Variants in MCF2 observed in about 807,000 individuals in gnomAD.
MCF2 encodes proto-oncogene DBL.
MCF2 carries 44 observed loss-of-function variants against 82.5 expected under a neutral mutation model. That is an observed-to-expected ratio of 0.53 (90% CI 0.42 to 0.69). The LOEUF is 0.69. Ranked by LOEUF, MCF2 falls within the 30% of genes least tolerant of loss-of-function variation. The pLI is 0.00. For missense variants in MCF2, 623 were observed against 663.1 expected, an observed-to-expected ratio of 0.94 and a Z score of 0.66; for synonymous variants, 217 against 224.9, an observed-to-expected ratio of 0.96 and a Z score of 0.32.
chrX:139,674,170 C>T (rs1196918821), intron 1 of MCF2, among the ~76,000 whole-genome samples: 1 of 110,799 alleles, frequency 9.0e-6, no homozygotes, highest in Non-Finnish European at 1.9e-5. Context: ...TTTCTATTTG[C>T]TTGGTAAATA....
chrX:139,677,102 G>A (rs1238195653), intron 1 of MCF2, among the ~76,000 whole-genome samples: 2 of 111,576 alleles, frequency 1.8e-5, no homozygotes, highest in East Asian at 2.8e-4. Flanking sequence ...AGTTTAACTG[G>A]TATTATGACC....
In MCF2 at chrX:139,632,329, T is replaced by A; in HGVS notation, c.171+6A>T. On this transcript the variant is annotated splice_donor_region_variant and intron_variant, in intron 2 of 24. Coordinates refer to ENST00000370576, the Ensembl canonical transcript of MCF2. ...GGAACAAAACATTTAAATAATATAC[T>A]CTTACTGGTAATTTAAGCATAAAAT... 8.5e-7 allele frequency: 1 copy of A among 1,182,290 alleles called. No individual in the cohort carries two copies. The highest frequency in any genetic ancestry group is 1.1e-6 in the Non-Finnish European group (1 of 873,057).
At chrX:139,622,623 C>G (rs772410392) in intron 6 of MCF2, among the ~76,000 whole-genome samples, 1 of 109,578 alleles carries the variant, frequency 9.1e-6, no homozygotes, top group African/African-American at 3.3e-5. Context: ...AGCAAACTAT[C>G]GCAAGGACAA....
At chrX:139,583,994 T>C (rs1258101718) in intron 24 of MCF2, among the ~76,000 whole-genome samples, 3 of 111,164 alleles carry the variant, frequency 2.7e-5, no homozygotes, top group African/African-American at 9.8e-5. Flanking sequence ...TGAGAAATCA[T>C]TTGGGAAACG....
chrX:139,600,854 C>G (rs768495540), intron 16 of MCF2, among the ~76,000 whole-genome samples: 2 of 110,321 alleles, frequency 1.8e-5, no homozygotes, highest in African/African-American at 3.3e-5. Flanking sequence ...AGGAACCAAA[C>G]AAAGAGAAAT....
intron 23 of MCF2, 42 bp downstream of exon 27, chrX:139,586,335 TG>T (rs753418088): frequency 2.1e-6 from 2 of 962,812 alleles, no homozygotes; most frequent in Admixed American, 2.4e-5. Context: ...GGTAAAAATT[TG>T]CACACCCATG....
intron 11 of MCF2, among the ~76,000 whole-genome samples, chrX:139,608,842 T>C (rs1931263028): frequency 8.9e-6 from 1 of 111,800 alleles, no homozygotes; most frequent in Non-Finnish European, 1.9e-5. Flanking sequence ...TTTTACAACA[T>C]GTAATACTAC....
intron 24 of MCF2, among the ~76,000 whole-genome samples, chrX:139,583,654 C>T (rs1454557414): frequency 1.8e-5 from 2 of 111,467 alleles, no homozygotes; most frequent in African/African-American, 3.3e-5. Context: ...GGGTACTATG[C>T]TCACTACCTG....
chrX:139,629,665 T>G (rs1932857326), intron 4 of MCF2, 30 bp downstream of exon 7: 1 of 1,192,339 alleles, frequency 8.4e-7, no homozygotes, highest in Non-Finnish European at 1.1e-6. Context: ...ACCATGGAAA[T>G]CTTTTGTTTG....
intron 1 of MCF2, among the ~76,000 whole-genome samples, chrX:139,695,491 T>G (rs1299611285): frequency 8.9e-6 from 1 of 112,142 alleles, no homozygotes; most frequent in African/African-American, 3.2e-5. Context: ...TAGTATAATT[T>G]CAACTACATG....
chrX:139,653,342 A>T (rs1484366361), intron 1 of MCF2, among the ~76,000 whole-genome samples: 1 of 112,380 alleles, frequency 8.9e-6, no homozygotes, highest in Non-Finnish European at 1.9e-5. Context: ...CATCAGACAT[A>T]AAAATATTCC....
chrX:139,642,238 G>T (rs142537092), intron 1 of MCF2, among the ~76,000 whole-genome samples: 18 of 112,153 alleles, frequency 1.6e-4, no homozygotes, highest in African/African-American at 5.8e-4. Flanking sequence ...TCATAAACCT[G>T]ATGACATTTA....
Position 139,650,541 on chromosome X carries a change from C to G in MCF2, c.25+1179G>C, listed in dbSNP as rs772105520. On this transcript the variant is annotated intron_variant, in intron 2 of 27. Coordinates refer to the MCF2 transcript ENST00000414978. The stretch of plus-strand genomic sequence containing the variant: ...TAAGAAGCATTCGTCTTTATAAAAA[C>G]AATGTATTAATATATACCAGTAAGT... Among the ~76,000 whole-genome samples the G allele has an allele frequency of 6.3e-5, 7 of 111,385 alleles. No individual in the cohort carries two copies. The South Asian group carries it at 2.6e-3, about 42-fold the overall frequency.
chrX:139,595,583 G>C (rs1243072735), intron 19 of MCF2, among the ~76,000 whole-genome samples: 1 of 76,005 alleles, frequency 1.3e-5, no homozygotes, highest in Non-Finnish European at 2.5e-5. Context: ...GTTGTGGGGT[G>C]GGGGGAGGGG....
chrX:139,670,091 T>G (rs1238053085), intron 1 of MCF2, among the ~76,000 whole-genome samples: 1 of 111,511 alleles, frequency 9.0e-6, no homozygotes, highest in Non-Finnish European at 1.9e-5. Context: ...AAGGAAAAAT[T>G]TGGTATTTAT....
At chrX:139,684,948 T>A (rs1935086096) in intron 1 of MCF2, among the ~76,000 whole-genome samples, 1 of 111,663 alleles carries the variant, frequency 9.0e-6, no homozygotes, top group African/African-American at 3.3e-5. Context: ...AACCATTGAA[T>A]TGCATACTTT....
intron 8 of MCF2, among the ~76,000 whole-genome samples, chrX:139,616,703 G>A (rs1931940226): frequency 9.0e-6 from 1 of 110,664 alleles, no homozygotes; most frequent in Non-Finnish European, 1.9e-5. Context: ...AGATACTGCT[G>A]ATACACAGCC....
In MCF2 at chrX:139,658,414, G is replaced by A. The variant is rs1185151710; in HGVS notation, c.-44-6626C>T. On this transcript the variant is annotated intron_variant, in intron 1 of 27. Coordinates refer to the MCF2 transcript ENST00000414978. ...CATGGAAATCAGTGTATGGAGATAC[G>A]TTGTTAAATGCTCCAGAAAGATTAT... 1.0e-4 allele frequency among the ~76,000 whole-genome samples: 11 copies of A among 110,441 alleles called. No individual in the cohort carries two copies. The East Asian group carries it at 2.6e-3, about 26-fold the overall frequency.
chrX:139,599,078 G>A (rs1340868453), intron 16 of MCF2, among the ~76,000 whole-genome samples: 1 of 109,758 alleles, frequency 9.1e-6, no homozygotes, highest in African/African-American at 3.3e-5. Context: ...TATTTAGGAT[G>A]AAATGTGCAT....
Sources: allele counts gnomAD v4.1 joint callset (sites outside exome capture counted in the v4.1 genomes callset), GRCh38; gene constraint gnomAD v4.1.1; transcripts MANE v1.5; gene names NCBI Gene and HGNC (gene_info 2026-07-23, HGNC 2026-07-21).